AKAP11: variants seen among roughly 807,000 people sequenced by gnomAD.
AKAP11 encodes A-kinase anchoring protein 11.
In AKAP11, 36 loss-of-function variants were observed where a neutral mutation model predicts 146.1. The ratio of observed to expected loss-of-function variants is 0.25; its 90% CI spans 0.19 to 0.33. AKAP11 has a LOEUF of 0.33. Among genes scored for constraint, AKAP11 ranks in the 10% least tolerant of loss-of-function variants. The probability of loss-of-function intolerance (pLI) is 1.00; values close to 1 mark genes in which losing one functional copy is unlikely to be tolerated. For missense variants in AKAP11, 2,201 were observed against 2,197.0 expected (o/e 1.00, Z -0.04); for synonymous variants, 780 against 786.5 (o/e 0.99, Z 0.14).
At chr13:42,314,563 TACTC>T (rs1389867870) in intron 11 of AKAP11, among the ~76,000 whole-genome samples, 3 of 152,138 alleles carry the variant, frequency 2.0e-5, no homozygotes, top group Non-Finnish European at 4.4e-5. Flanking sequence ...CTAAAATTCT[TACTC>T]ATGTTATAAG....
rs557400343 is a variant in AKAP11 at position 42,303,232 on chromosome 13, G to C, written c.4486G>C (p.Glu1496Gln). The change falls in exon 8 of 13, where the codon GAA (glutamate) becomes CAA (glutamine). Residue 1496 changes from glutamate (E) to glutamine (Q), a missense_variant. Transcript: ENST00000025301. Reference protein sequence around the residue: ...DSCLFEKSGYEEDNECHVTPE... With the variant: ...DSCLFEKSGYQEDNECHVTPE... ...TTGCTTGTTTGAAAAATCTGGATAT[G>C]AAGAAGATAATGAGTGTCACGTTAC... The C allele has an allele frequency of 3.7e-6, 6 of 1,614,054 alleles. No homozygotes were observed. The highest frequency in any genetic ancestry group is 3.3e-5 in the South Asian group (3 of 91,066).
chr13:42,274,901 T>G (rs1958877162), intron 1 of AKAP11, among the ~76,000 whole-genome samples: 1 of 152,232 alleles, frequency 6.6e-6, no homozygotes, highest in African/African-American at 2.4e-5. Context: ...GGTCTATTAA[T>G]TAAATGAGCC....
chr13:42,311,514 A>G (rs1960562364), intron 9 of AKAP11, among the ~76,000 whole-genome samples: 1 of 152,164 alleles, frequency 6.6e-6, no homozygotes, highest in South Asian at 2.1e-4. Context: ...GAATGACTTC[A>G]AATACCCATT....
At chr13:42,275,386 T>A (rs2138393002) in intron 1 of AKAP11, among the ~76,000 whole-genome samples, 1 of 152,334 alleles carries the variant, frequency 6.6e-6, no homozygotes, top group East Asian at 1.9e-4. Flanking sequence ...ATCCAATTGG[T>A]CAGGTTTCTG....
intron 1 of AKAP11, among the ~76,000 whole-genome samples, chr13:42,277,541 A>G (rs1205478332): frequency 2.0e-5 from 3 of 152,250 alleles, no homozygotes; most frequent in Non-Finnish European, 4.4e-5. Context: ...ATGCAGTTGA[A>G]AAATCAATAA....
At chr13:42,277,678 C>T (rs762475343) in intron 1 of AKAP11, among the ~76,000 whole-genome samples, 3 of 152,200 alleles carry the variant, frequency 2.0e-5, no homozygotes, top group Non-Finnish European at 4.4e-5. Flanking sequence ...CCACCAAATG[C>T]CTGTCTGCAT....
intron 9 of AKAP11, among the ~76,000 whole-genome samples, chr13:42,309,245 T>C (rs114790059): frequency 9.9e-5 from 15 of 151,896 alleles, no homozygotes; most frequent in African/African-American, 3.4e-4. Context: ...TTGTTTCTTA[T>C]AGTCTTAACC....
upstream of AKAP11, chr13:42,272,123 A>T (rs973482310): frequency 1.7e-4 from 1 of 5,826 alleles, no homozygotes; most frequent in Non-Finnish European, 3.2e-4. Flanking sequence ...TGGGAGGGGG[A>T]GGGCTGGGGG....
At chr13:42,276,248 A>G (rs1432461494) in intron 1 of AKAP11, among the ~76,000 whole-genome samples, 1 of 151,944 alleles carries the variant, frequency 6.6e-6, no homozygotes, top group Non-Finnish European at 1.5e-5. Flanking sequence ...TATTATTTAT[A>G]TAATTTATAT....
At chr13:42,271,831 C>G (rs1257556007), upstream of AKAP11, among the ~76,000 whole-genome samples, 1 of 151,940 alleles carries the variant, frequency 6.6e-6, no homozygotes, top group African/African-American at 2.4e-5. Flanking sequence ...GGAGAGGCCC[C>G]CTTTAAGTCA....
Position 42,301,327 on chromosome 13 carries a change from A to G in AKAP11, c.2581A>G (p.Ser861Gly), listed in dbSNP as rs1360737467. ...KPTNDDIEMQ[S>G]SSKLPNDPAI... ...AACTAATGACGATATTGAAATGCAG[A>G]GTTCCTCAAAATTACCAAATGATCC... is the stretch of plus-strand genomic sequence containing the variant. Residue 861 changes from serine to glycine, a missense_variant, in exon 8 of 13, where the codon AGT becomes GGT. Ser to Gly is a moderately conservative substitution (Grantham distance 56). Around this residue, in one of 3 missense-constraint regions of AKAP11, gnomAD observed 1,867 missense variants for 1,833.5 expected, o/e 1.02. Coordinates refer to ENST00000025301, the MANE Select transcript of AKAP11 (RefSeq NM_016248.4). The G allele has an allele frequency of 1.9e-6, 3 of 1,614,034 alleles. No homozygotes were observed. The East Asian group carries it at 6.7e-5, about 36-fold the overall frequency.
chr13:42,309,485 A>G (rs947118366), intron 9 of AKAP11, among the ~76,000 whole-genome samples: 3 of 152,216 alleles, frequency 2.0e-5, no homozygotes, highest in Admixed American at 6.5e-5. Context: ...ACTCTTGGAA[A>G]AGGGAATGAG....
rs114922781 is a variant in AKAP11 at position 42,283,765 on chromosome 13, A to C, written c.-99-2221A>C. On this transcript the variant is annotated intron_variant, in intron 1 of 12. Coordinates refer to ENST00000025301, the MANE Select transcript of AKAP11 (RefSeq NM_016248.4). ...GCTGCAAAGGTAATTGTTGTTTCCTATCTCTTTTCCCTACTTCCCTTTTAG... is the reference window on the plus strand; with the variant it reads ...GCTGCAAAGGTAATTGTTGTTTCCTCTCTCTTTTCCCTACTTCCCTTTTAG... Among the ~76,000 whole-genome samples the C allele has an allele frequency of 9.3e-3, 1,421 of 152,296 alleles. 24 individuals carry two copies. The highest frequency in any genetic ancestry group is 0.032 in the African/African-American group (1,324 of 41,570).
intron 1 of AKAP11, among the ~76,000 whole-genome samples, chr13:42,276,647 T>C (rs1030929260): frequency 1.3e-5 from 2 of 152,204 alleles, no homozygotes; most frequent in Non-Finnish European, 1.5e-5. Context: ...AAAAAAATTT[T>C]CTTTCAGCAT....
At chr13:42,311,453 G>C (rs1184914175) in intron 9 of AKAP11, among the ~76,000 whole-genome samples, 2 of 152,094 alleles carry the variant, frequency 1.3e-5, no homozygotes, top group Admixed American at 1.3e-4. Flanking sequence ...AAGTGTCCTG[G>C]TTAGATGAAA....
chr13:42,290,019 C>T (rs1352166113), intron 3 of AKAP11, among the ~76,000 whole-genome samples: 2 of 152,082 alleles, frequency 1.3e-5, no homozygotes. Context: ...CATCATCTAG[C>T]ATGCATTCCA....
chr13:42,289,465 G>A (rs1032010985), intron 3 of AKAP11, among the ~76,000 whole-genome samples: 10 of 152,086 alleles, frequency 6.6e-5, no homozygotes, highest in Non-Finnish European at 1.3e-4. Context: ...TTTCTTTACA[G>A]TCATTAATTC....
intron 1 of AKAP11, among the ~76,000 whole-genome samples, chr13:42,279,191 A>C (rs1303240234): frequency 6.7e-6 from 1 of 148,732 alleles, no homozygotes; most frequent in East Asian, 2.0e-4. Flanking sequence ...AAATTTGGGA[A>C]GTTCTCTGCT....
chr13:42,281,293 G>C (rs77705088), intron 1 of AKAP11, among the ~76,000 whole-genome samples: 19,437 of 152,192 alleles, frequency 0.13, 1,384 homozygotes, highest in South Asian at 0.2. Flanking sequence ...ACATGTGGCA[G>C]TTGTTAAAAG....
Sources: allele counts gnomAD v4.1 joint callset (sites outside exome capture counted in the v4.1 genomes callset), GRCh38; gene constraint gnomAD v4.1.1; regional missense constraint gnomAD v4.1.1; transcripts MANE v1.5; gene names NCBI Gene and HGNC (gene_info 2026-07-23, HGNC 2026-07-21).